TTN: variants seen among roughly 807,000 people sequenced by gnomAD.
TTN encodes the protein titin.
TTN carries 1,525 observed loss-of-function variants against 3,223.0 expected under a neutral mutation model. That is an observed-to-expected ratio of 0.47 (90% CI 0.45 to 0.49). The LOEUF is 0.49. TTN is among the 20% of genes least tolerant of loss of function. The pLI is 0.00. For synonymous variants in TTN, 14,094 were observed against 15,161.0 expected (o/e 0.93, Z 5.17); for missense variants, 40,786 against 43,424.0 (o/e 0.94, Z 5.40).
rs1001645195 is a variant in TTN at position 178,785,339 on chromosome 2, A to G, written c.2493+281T>C. Among the ~76,000 whole-genome samples, 3 of 152,174 alleles carry G rather than the reference A, an allele frequency of 2.0e-5. No individual in the cohort carries two copies. The South Asian group carries it at 6.2e-4, about 32-fold the overall frequency. ...AGAACAATAGTAATCAAAACAATTGAGTTTGAGCTGTCCCTGAAATGTGAA... is the reference window on the plus strand; with the variant it reads ...AGAACAATAGTAATCAAAACAATTGGGTTTGAGCTGTCCCTGAAATGTGAA... On this transcript the variant is annotated intron_variant, in intron 15 of 362. Coordinates refer to ENST00000589042, the MANE Select transcript of TTN (RefSeq NM_001267550.2).
chr2:178,672,646 G>T lies in TTN; in HGVS notation c.34844C>A (p.Pro11615His). 1 of 1,611,288 alleles carries T rather than the reference G, an allele frequency of 6.2e-7. No individual in the cohort carries two copies. The highest frequency in any genetic ancestry group is 1.1e-5 in the South Asian group (1 of 90,918). The change falls in exon 153 of 363, where the codon CCC (proline) becomes CAC (histidine). Residue 11615 changes from proline (P) to histidine (H), a missense_variant. Transcript: ENST00000589042. ...AAGAGAAGATGTACCTTTGGCTGGG[G>T]GTGCCTCTTTTTTCTGAACAGGAAC... ...VPVPVQKKEA[P>H]PAKVPEVPKK...
chr2:178,634,913 A>G lies in TTN; in HGVS notation c.42025-64T>C. On this transcript the variant is annotated intron_variant, in intron 228 of 362. Transcript: ENST00000589042. This position sits in a 1 kb window ranked among gnomAD's most constrained non-coding sequence, Gnocchi z 4.6. ...AAATTCCCTATAGGAGAAGTGTTTCAGATACAAATTTCTATAGAGTTTTAA... is the reference window on the plus strand; with the variant it reads ...AAATTCCCTATAGGAGAAGTGTTTCGGATACAAATTTCTATAGAGTTTTAA... 6.5e-7 allele frequency: 1 copy of G among 1,539,190 alleles called. No individual in the cohort carries two copies. Among genetic ancestry groups the G allele is most frequent in the Admixed American group, 2.3e-5 (1 of 44,334 alleles).
intron 218 of TTN, 107 bp from the exon 219 acceptor site, chr2:178,642,424 C>T (rs1436784935): frequency 6.7e-6 from 6 of 897,514 alleles, no homozygotes; most frequent in Non-Finnish European, 1.0e-5. Context: ...CATTAAGTAA[C>T]AATTTTCGCT....
chr2:178,799,234 G>A (rs568820394), intron 6 of TTN: 2 of 500,690 alleles, frequency 4.0e-6, no homozygotes, highest in South Asian at 4.2e-5. Flanking sequence ...GACCTGCCAC[G>A]CCCACACCCT....
intron 257 of TTN, 48 bp from the exon 258 acceptor site, chr2:178,615,836 C>G (rs758485958): frequency 3.2e-6 from 5 of 1,557,058 alleles, no homozygotes; most frequent in Non-Finnish European, 3.5e-6. Flanking sequence ...AAAACCCTTT[C>G]GCCAACCCAA....
chr2:178,545,756 T>C (rs1317104027), intron 343 of TTN, 63 bp from the exon 344 acceptor site: 1 of 1,597,292 alleles, frequency 6.3e-7, no homozygotes, highest in Non-Finnish European at 8.6e-7. Flanking sequence ...ACTGCCCTTC[T>C]CCCTTCTCCC....
At position 178,570,874 on chromosome 2, in the gene TTN, G is replaced by A. The variant is rs577554705; in HGVS notation, c.75258C>T (p.Ala25086=). 8 of 1,613,460 alleles carry A rather than the reference G, an allele frequency of 5.0e-6. No individual in the cohort carries two copies. The highest frequency in any genetic ancestry group is 2.2e-5 in the South Asian group (2 of 91,064). ...RYEFRVIARN[A]AGVFSEPSES... ...CTGAAGGCTCACTAAACACTCCTGC[G>A]GCATTTCGGGCTATAACCCGGAACT... Residue 25086 remains alanine, a synonymous_variant, in exon 326 of 363, where the codon GCC becomes GCT. Transcript: ENST00000589042.
Position 178,777,009 on chromosome 2 carries a change from A to C in TTN, c.4855T>G (p.Ser1619Ala). ...CAGGCAGAATCTTGGCTGACAGTGG[A>C]ATCGATTTTAAGGGCAGCTTCTCCC... ...TKGEAALKIDSTVSQDSAWYT... is the reference protein window; with the variant it reads ...TKGEAALKIDATVSQDSAWYT... Residue 1619 changes from serine (S) to alanine (A), a missense_variant, in exon 28 of 363, where the codon TCC becomes GCC. Physicochemically the swap from Ser to Ala is moderately conservative, Grantham distance 99 (BLOSUM62 1). Coordinates refer to ENST00000589042, the MANE Select transcript of TTN (RefSeq NM_001267550.2). The C allele has an allele frequency of 3.1e-6, 5 of 1,614,018 alleles. No homozygotes were observed. The highest frequency in any genetic ancestry group is 4.2e-6 in the Non-Finnish European group (5 of 1,179,976).
At chr2:178,691,968 G>T in intron 121 of TTN, 48 bp downstream of exon 121, 1 of 1,522,596 alleles carries the variant, frequency 6.6e-7, no homozygotes, top group South Asian at 1.2e-5. Flanking sequence ...GAAAGCAAAA[G>T]GCTGGCACTT....
intron 22 of TTN, 135 bp downstream of exon 22, chr2:178,779,865 A>G (rs2092609246): frequency 1.2e-6 from 1 of 807,684 alleles, no homozygotes; most frequent in African/African-American, 1.7e-5. Flanking sequence ...GATTAAGGAA[A>G]CTTAGCAACA....
chr2:178,640,699 A>G, intron 220 of TTN, 69 bp from the exon 221 acceptor site: 2 of 1,291,038 alleles, frequency 1.5e-6, no homozygotes, highest in African/African-American at 3.1e-5. Context: ...CTGAAATATC[A>G]ATTTATTTTT....
At chr2:178,582,798 G>A (rs369728594) in intron 313 of TTN, 142 bp downstream of exon 313, 347 of 918,860 alleles carry the variant, frequency 3.8e-4, no homozygotes, top group Non-Finnish European at 4.9e-4. Context: ...ACTCTAAAAC[G>A]TGGTTCTGTC....
chr2:178,770,531 G>C lies in TTN; in HGVS notation c.8261C>G (p.Ala2754Gly), dbSNP rs770875496. Reference protein sequence around the residue: ...GVVLESNEKYAISVKGTIYSL... With the variant: ...GVVLESNEKYGISVKGTIYSL... ...GTAAATTGTTCCTTTGACAGAGATA[G>C]CATACTTTTCATTGGATTCCAGCAC... The change falls in exon 35 of 363, where the codon GCT becomes GGT. Residue 2754 changes from alanine to glycine, a missense_variant. Transcript: ENST00000589042. 6.8e-6 allele frequency: 11 copies of C among 1,614,128 alleles called. No homozygotes were observed. The Admixed American group carries it at 1.3e-4, about 20-fold the overall frequency.
At chr2:178,689,673 C>T (rs867746191) in intron 122 of TTN, 78 bp from the exon 123 acceptor site, 26 of 1,458,166 alleles carry the variant, frequency 1.8e-5, no homozygotes, top group South Asian at 6.6e-5. Context: ...AGAAAGCAGA[C>T]GGGTGGACAG....
chr2:178,575,541 C>T lies in TTN; in HGVS notation c.70591G>A (p.Glu23531Lys), dbSNP rs1182129747. Residue 23531 changes from glutamate to lysine, a missense_variant, in exon 326 of 363, where the codon GAA becomes AAA. Glu to Lys is a moderately conservative substitution (Grantham distance 56). Coordinates refer to ENST00000589042, the MANE Select transcript of TTN (RefSeq NM_001267550.2). The surrounding 1 kb of genome is among the most constrained non-coding windows in gnomAD (Gnocchi z 4.0). ...TETTEPVKAS[E>K]APSPPDSLNI... ...AGGCTGTCTGGTGGAGATGGTGCTT[C>T]AGAGGCTTTTACGGGCTCTGTAGTT... 1.2e-6 allele frequency: 2 copies of T among 1,613,542 alleles called. No homozygotes were observed. Among genetic ancestry groups the T allele is most frequent in the South Asian group, 1.1e-5 (1 of 91,068 alleles).
At position 178,570,136 on chromosome 2, in the gene TTN, A is replaced by G; in HGVS notation, c.75996T>C (p.Gly25332=). ...IVVWERPASD[G]GSEILGYVLE... ...GAACATATCCAAGAATTTCACTACCACCATCAGATGCTGGTCTTTCCCATA... is the reference window on the plus strand; with the variant it reads ...GAACATATCCAAGAATTTCACTACCGCCATCAGATGCTGGTCTTTCCCATA... Residue 25332 remains glycine (G), a synonymous_variant, in exon 326 of 363, where the codon GGT becomes GGC. Coordinates refer to ENST00000589042, the MANE Select transcript of TTN (RefSeq NM_001267550.2). 1 of 1,613,388 alleles carries G rather than the reference A, an allele frequency of 6.2e-7. No individual in the cohort carries two copies. Among genetic ancestry groups the G allele is most frequent in the African/African-American group, 1.3e-5 (1 of 74,946 alleles).
intron 254 of TTN, 38 bp downstream of exon 254, chr2:178,617,287 C>A: frequency 6.5e-7 from 1 of 1,543,600 alleles, no homozygotes; most frequent in Non-Finnish European, 8.7e-7. Context: ...TGTCCATGAT[C>A]CACATTGAAT....
chr2:178,568,358 T>G lies in TTN; in HGVS notation c.77774A>C (p.Asn25925Thr), dbSNP rs1048567784. ...TGTATCTCTTTTCTGAACAATGTAG[T>G]TGGTGATTTGGCAGCCCCCTGTATA... ...PLYTGGCQIT[N>T]YIVQKRDTTT... The change falls in exon 326 of 363, where the codon AAC becomes ACC. Residue 25925 changes from asparagine (N) to threonine (T), a missense_variant. By Grantham distance (65) the Asn-to-Thr change is moderately conservative. Transcript: ENST00000589042. 2 of 1,613,338 alleles carry G rather than the reference T, an allele frequency of 1.2e-6. No individual in the cohort carries two copies. The highest frequency in any genetic ancestry group is 1.7e-5 in the Admixed American group (1 of 59,948).
chr2:178,742,225 T>C (rs1476384893), intron 47 of TTN, among the ~76,000 whole-genome samples: 1 of 152,124 alleles, frequency 6.6e-6, no homozygotes, highest in African/African-American at 2.4e-5. Flanking sequence ...TTTTAAAGTT[T>C]GAAAAACTGC....
Sources: gnomAD v4.1 joint callset for allele counts (sites outside exome capture counted in the v4.1 genomes callset) on GRCh38, gnomAD v4.1.1 for gene constraint, Gnocchi (gnomAD v3.1) non-coding constraint, MANE v1.5 for transcripts, NCBI Gene and HGNC (gene_info 2026-07-23, HGNC 2026-07-21) for gene names.